The following AFTPH variants were observed in gnomAD, a reference collection of about 807,000 sequenced individuals.
AFTPH encodes aftiphilin protein.
In AFTPH, 7 loss-of-function variants were observed where a neutral mutation model predicts 72.5. That is an observed-to-expected ratio of 0.10 (90% CI 0.05 to 0.18). The LOEUF (loss-of-function observed/expected upper bound fraction) is 0.18. AFTPH is among the 10% of genes least tolerant of loss of function. The pLI is 1.00. For synonymous variants in AFTPH, 337 were observed against 370.1 expected, an observed-to-expected ratio of 0.91 and a Z score of 1.03; for missense variants, 979 against 1,060.5, an observed-to-expected ratio of 0.92 and a Z score of 1.07.
intron 1 of AFTPH, among the ~76,000 whole-genome samples, chr2:64,525,135 G>C (rs971117963): frequency 1.1e-4 from 16 of 152,324 alleles, no homozygotes; most frequent in Admixed American, 9.1e-4. Context: ...AGGCAGAGGG[G>C]ACAGCCCCAA....
chr2:64,590,158 G>A (rs1371438236), intron 8 of AFTPH, among the ~76,000 whole-genome samples: 4 of 152,104 alleles, frequency 2.6e-5, no homozygotes, highest in Non-Finnish European at 5.9e-5. Context: ...GGCTGTTGGG[G>A]CTCTTAAGTC....
intron 6 of AFTPH, among the ~76,000 whole-genome samples, chr2:64,574,927 C>G (rs192038860): frequency 3.9e-5 from 6 of 152,354 alleles, no homozygotes; most frequent in Non-Finnish European, 8.8e-5. Flanking sequence ...CATTCTTATT[C>G]CTACAGTGTT....
chr2:64,557,431 A>G (rs1306623915), intron 2 of AFTPH, among the ~76,000 whole-genome samples: 1 of 152,220 alleles, frequency 6.6e-6, no homozygotes. Context: ...GTGCCACCAA[A>G]AAGAAGAGAA....
At position 64,573,289 on chromosome 2, in the gene AFTPH, T is replaced by C. The variant is rs567987511; in HGVS notation, c.2394+221T>C. On this transcript the variant is annotated intron_variant, in intron 6 of 8. Coordinates refer to ENST00000238856, the Ensembl canonical transcript of AFTPH. ...AAGCACAATTTGAGAAATGGGTGATTATGGGTAAGTTCTTAAAACTATCCA... is the reference window on the plus strand; with the variant it reads ...AAGCACAATTTGAGAAATGGGTGATCATGGGTAAGTTCTTAAAACTATCCA... 5.9e-5 allele frequency among the ~76,000 whole-genome samples: 9 copies of C among 152,274 alleles called. No individual in the cohort carries two copies. The South Asian group carries it at 1.9e-3, about 32-fold the overall frequency.
intron 5 of AFTPH, among the ~76,000 whole-genome samples, chr2:64,571,907 T>G (rs966512758): frequency 2.1e-4 from 32 of 152,184 alleles, no homozygotes; most frequent in African/African-American, 6.5e-4. Flanking sequence ...ACTGAACATC[T>G]ATTTTTCTTA....
chr2:64,524,389 C>A (rs948095657), exon 1 of AFTPH: 4 of 400,216 alleles, frequency 1.0e-5, no homozygotes, highest in South Asian at 1.1e-4. Context: ...GTGGAGGAGG[C>A]GGCGGCGGCG....
At chr2:64,526,509 C>T (rs1669274137) in intron 1 of AFTPH, among the ~76,000 whole-genome samples, 1 of 152,096 alleles carries the variant, frequency 6.6e-6, no homozygotes. Context: ...TTTAATGTTA[C>T]CTACACTTTG....
intron 1 of AFTPH, among the ~76,000 whole-genome samples, chr2:64,532,451 T>C (rs925974199): frequency 3.9e-5 from 6 of 152,200 alleles, no homozygotes; most frequent in African/African-American, 1.4e-4. Context: ...TTAGTTTAGA[T>C]GATAATGGCA....
chr2:64,579,778 C>CAGTCAAAAGTAAGCTT (rs1405307584), intron 7 of AFTPH: 3 of 386,856 alleles, frequency 7.8e-6, no homozygotes, highest in African/African-American at 6.2e-5. Flanking sequence ...ATTTTAGTTT[C>CAGTCAAAAGTAAGCTT]AGTCAAAAGT....
intron 1 of AFTPH, among the ~76,000 whole-genome samples, chr2:64,548,489 A>T (rs1351393848): frequency 1.3e-5 from 2 of 148,270 alleles, no homozygotes; most frequent in Admixed American, 6.7e-5. Context: ...TATTGTAGGG[A>T]TATAGTATAA....
At chr2:64,571,868 A>AT (rs1672452854) in intron 5 of AFTPH, among the ~76,000 whole-genome samples, 1 of 151,922 alleles carries the variant, frequency 6.6e-6, no homozygotes, top group Admixed American at 6.6e-5. Flanking sequence ...AAAAATACTG[A>AT]TTTTTTTCCT....
At chr2:64,525,158 C>G (rs935815826) in intron 1 of AFTPH, among the ~76,000 whole-genome samples, 10 of 152,220 alleles carry the variant, frequency 6.6e-5, no homozygotes, top group Non-Finnish European at 1.3e-4. Flanking sequence ...CTCACGCATC[C>G]CTTCCTCAGA....
chr2:64,573,097 G>A, intron 6 of AFTPH, 29 bp downstream of exon 6: 3 of 1,551,884 alleles, frequency 1.9e-6, no homozygotes, highest in Non-Finnish European at 2.7e-6. Context: ...GTATAAATAT[G>A]TTTATGCGTG....
chr2:64,591,801 A>AC, intron 8 of AFTPH, 87 bp from the exon 10 acceptor site: 1 of 1,420,536 alleles, frequency 7.0e-7, no homozygotes, highest in Admixed American at 1.8e-5. Flanking sequence ...CAGATTGCTA[A>AC]CTGTCTACCT....
At chr2:64,529,425 T>G (rs1375573776) in intron 1 of AFTPH, among the ~76,000 whole-genome samples, 1 of 152,156 alleles carries the variant, frequency 6.6e-6, no homozygotes, top group Non-Finnish European at 1.5e-5. Flanking sequence ...CTTGCATTAT[T>G]TTTGCTGTTC....
At chr2:64,568,139 A>C (rs7575213) in intron 3 of AFTPH, among the ~76,000 whole-genome samples, 14,551 of 152,206 alleles carry the variant, frequency 0.096, 1,902 homozygotes, top group African/African-American at 0.28. Flanking sequence ...CTAAATCAAT[A>C]ATCAGTTGAT....
At chr2:64,528,397 TCA>T (rs1403349435) in intron 1 of AFTPH, among the ~76,000 whole-genome samples, 1 of 152,214 alleles carries the variant, frequency 6.6e-6, no homozygotes, top group Non-Finnish European at 1.5e-5. Flanking sequence ...TCCTACAGCT[TCA>T]GTTTCTTTAT....
intron 6 of AFTPH, among the ~76,000 whole-genome samples, chr2:64,576,809 A>AGT (rs1301843874): frequency 6.6e-6 from 1 of 152,072 alleles, no homozygotes; most frequent in Non-Finnish European, 1.5e-5. Flanking sequence ...CCCAGGCTAG[A>AGT]GTGCAATGGC....
intron 1 of AFTPH, among the ~76,000 whole-genome samples, chr2:64,524,895 C>T (rs1281353029): frequency 6.6e-6 from 1 of 152,258 alleles, no homozygotes; most frequent in African/African-American, 2.4e-5. Context: ...CCCCGGCCAC[C>T]GCCGGCTCTC....
Sources: allele counts gnomAD v4.1 joint callset (sites outside exome capture counted in the v4.1 genomes callset), GRCh38; gene constraint gnomAD v4.1.1; transcripts MANE v1.5; gene names NCBI Gene and HGNC (gene_info 2026-07-23, HGNC 2026-07-21).